INTS8: variants seen among roughly 807,000 people sequenced by gnomAD.
INTS8 encodes integrator complex subunit 8.
In INTS8, 47 loss-of-function variants were observed where a neutral mutation model predicts 138.9. The ratio of observed to expected loss-of-function variants is 0.34; its 90% CI spans 0.27 to 0.43. The LOEUF (loss-of-function observed/expected upper bound fraction) is 0.43. INTS8 is among the 20% of genes least tolerant of loss of function. The pLI, the probability that INTS8 is intolerant of heterozygous loss-of-function variation, is 1.00. For missense variants in INTS8, 996 were observed against 1,173.0 expected (o/e 0.85, Z 2.20); for synonymous variants, 392 against 400.9 (o/e 0.98, Z 0.27).
intron 16 of INTS8, among the ~76,000 whole-genome samples, chr8:94,862,531 G>C (rs1816029563): frequency 6.6e-6 from 1 of 152,226 alleles, no homozygotes; most frequent in African/African-American, 2.4e-5. Context: ...TCTGCAATGT[G>C]TAAGGACACA....
intron 11 of INTS8, among the ~76,000 whole-genome samples, 169 bp from the exon 12 acceptor site, chr8:94,849,747 A>G (rs1029451688): frequency 2.0e-5 from 3 of 152,282 alleles, no homozygotes; most frequent in East Asian, 3.9e-4. Flanking sequence ...TTGACATCAC[A>G]ATTTTAAATA....
chr8:94,879,833 GCTTA>G (rs935349008), intron 26 of INTS8: 2 of 194,118 alleles, frequency 1.0e-5, no homozygotes, highest in Admixed American at 1.2e-4. Context: ...GCCATGTAGA[GCTTA>G]CTTATACTTT....
At chr8:94,854,724 C>T (rs1815681579) in intron 14 of INTS8, among the ~76,000 whole-genome samples, 1 of 152,046 alleles carries the variant, frequency 6.6e-6, no homozygotes, top group African/African-American at 2.4e-5. Context: ...CCAGCAGCAC[C>T]TGTGACATTT....
chr8:94,834,362 G>GGTGTGTGT lies in INTS8; in HGVS notation c.754-2133_754-2126dup, dbSNP rs35147334. ...TAGTAAGTATGCATATATGTGCATGGGTGTGTGTGTGTGTGTGTGTGTGTG... is the reference window on the plus strand; with the variant it reads ...TAGTAAGTATGCATATATGTGCATGGGTGTGTGTGTGTGTGTGTGTGTGTGTGTGTGTG... On this transcript the variant is annotated intron_variant, in intron 6 of 26. Transcript: ENST00000523731. 5.2e-3 allele frequency among the ~76,000 whole-genome samples: 750 copies of GGTGTGTGT among 144,552 alleles called. 6 individuals carry two copies. Among genetic ancestry groups the GGTGTGTGT allele is most frequent in the African/African-American group, 0.014 (566 of 39,142 alleles). 94.8% of individuals were successfully genotyped at this position (144,552 alleles called of 152,430 possible). A position where few individuals can be genotyped will look rare whatever the true frequency, so the allele number is the denominator to read the frequency against.
At chr8:94,830,937 A>G (rs1814690589) in intron 5 of INTS8, among the ~76,000 whole-genome samples, 1 of 151,846 alleles carries the variant, frequency 6.6e-6, no homozygotes, top group South Asian at 2.1e-4. Context: ...AGCTGGGATT[A>G]TAGGCGTGCT....
At chr8:94,838,115 C>T (rs910285408) in intron 7 of INTS8, among the ~76,000 whole-genome samples, 4 of 149,578 alleles carry the variant, frequency 2.7e-5, no homozygotes, top group African/African-American at 7.4e-5. Flanking sequence ...GGCGCCTTCT[C>T]GGCTCACTGC....
intron 14 of INTS8, among the ~76,000 whole-genome samples, 167 bp from the exon 15 acceptor site, chr8:94,856,610 A>G (rs546880565): frequency 6.6e-6 from 1 of 152,288 alleles, no homozygotes; most frequent in Admixed American, 6.5e-5. Context: ...ATTTTTTGGA[A>G]TAAATCAACA....
In INTS8 at chr8:94,865,587, G is replaced by A; in HGVS notation, c.2158G>A (p.Val720Ile). ...SRRTAKDLWE[V>I]VVQICSVSSQ... ...ACGGACTGCCAAAGACCTTTGGGAAGTTGTTGTTCAAATCTGTAGTGTGTC... is the reference window on the plus strand; with the variant it reads ...ACGGACTGCCAAAGACCTTTGGGAAATTGTTGTTCAAATCTGTAGTGTGTC... The change falls in exon 17 of 27, where the codon GTT becomes ATT. Residue 720 changes from valine (V) to isoleucine (I), a missense_variant. Transcript: ENST00000523731. 6.2e-7 allele frequency: 1 copy of A among 1,614,158 alleles called. No homozygotes were observed. The highest frequency in any genetic ancestry group is 8.5e-7 in the Non-Finnish European group (1 of 1,179,972).
rs750504150 is a variant in INTS8, at chr8:94,851,618, A to T, written c.1573A>T (p.Ile525Phe). Reference sequence around the variant, plus strand: ...TATATTGTCAGTGGATCCTTGGAGGATTAGACAAATTTTAATTGAATTACA... The same window carrying T: ...TATATTGTCAGTGGATCCTTGGAGGTTTAGACAAATTTTAATTGAATTACA... ...QLILSVDPWR[I>F]RQILIELHGM... Residue 525 changes from isoleucine (I) to phenylalanine (F), a missense_variant, in exon 13 of 27, where the codon ATT becomes TTT. Ile to Phe is a conservative substitution (Grantham distance 21, BLOSUM62 0). Transcript: ENST00000523731. The T allele has an allele frequency of 6.2e-7, 1 of 1,603,236 alleles. No individual in the cohort carries two copies. Among genetic ancestry groups the T allele is most frequent in the Non-Finnish European group, 8.5e-7 (1 of 1,175,864 alleles).
At chr8:94,868,756 C>A (rs950129166) in intron 20 of INTS8, 1 of 149,850 alleles carries the variant, frequency 6.7e-6, no homozygotes, top group African/African-American at 2.5e-5. Context: ...CTGCAACCTA[C>A]GCCTGCAAGG....
chr8:94,833,410 G>T lies in INTS8; in HGVS notation c.753+1236G>T, dbSNP rs533218900. On this transcript the variant is annotated intron_variant, in intron 6 of 26. Transcript: ENST00000523731. ...TTAATTTTTTTTTTATAGAGACAGG[G>T]TCTCCCTATGTTGCCCAGGCTGGTC... 4.6e-5 allele frequency among the ~76,000 whole-genome samples: 7 copies of T among 151,894 alleles called. No homozygotes were observed. In the South Asian group the frequency reaches 8.3e-4, roughly 18 times the overall value.
Position 94,849,549 on chromosome 8 carries a change from T to A in INTS8, c.1331+17T>A. On this transcript the variant is annotated intron_variant, in intron 11 of 26. Coordinates refer to ENST00000523731, the MANE Select transcript of INTS8 (RefSeq NM_017864.4). The stretch of plus-strand genomic sequence containing the variant: ...TTTTCTAAAGTAAGTACCTTTCTTT[T>A]CTTTTTTCTTTTTTTTTTTAACTTT... The A allele has an allele frequency of 7.2e-7, 1 of 1,398,234 alleles. No homozygotes were observed. Among genetic ancestry groups the A allele is most frequent in the Non-Finnish European group, 9.9e-7 (1 of 1,013,870 alleles). The allele number at this position is 1,398,234 out of a possible 1,614,324, so 86.6% of individuals were successfully genotyped here.
chr8:94,832,197 A>T (rs775512897), intron 6 of INTS8, 23 bp downstream of exon 6: 1 of 1,587,078 alleles, frequency 6.3e-7, no homozygotes, highest in Non-Finnish European at 8.6e-7. Context: ...TACTTAATTT[A>T]CGTAGGGCAA....
intron 3 of INTS8, 60 bp downstream of exon 3, chr8:94,827,463 T>C: frequency 1.3e-6 from 2 of 1,561,166 alleles, no homozygotes. Flanking sequence ...GCACTGTGGC[T>C]TTCAAGGATA....
At position 94,880,718 on chromosome 8, in the gene INTS8, C is replaced by A; in HGVS notation, c.*484C>A. ...TCACAATGGAGGAATTTAGAAAGGA[C>A]CTTAACAGTTTCACAAACATAAATA... is the stretch of plus-strand genomic sequence containing the variant. On this transcript the variant is annotated 3_prime_UTR_variant, in exon 27 of 27. Transcript: ENST00000523731. 1 of 395,324 alleles carries A rather than the reference C, an allele frequency of 2.5e-6. No homozygotes were observed. Among genetic ancestry groups the A allele is most frequent in the Non-Finnish European group, 4.5e-6 (1 of 224,666 alleles). The allele number at this position is 395,324 out of a possible 1,614,324, so 24.5% of individuals were successfully genotyped here.
chr8:94,854,991 C>T (rs942606958), intron 14 of INTS8, among the ~76,000 whole-genome samples: 3 of 149,356 alleles, frequency 2.0e-5, no homozygotes, highest in Non-Finnish European at 4.4e-5. Context: ...AACAATCCTT[C>T]CACATCAGCC....
chr8:94,873,997 A>G lies in INTS8; in HGVS notation c.2637+520A>G, dbSNP rs571020354. Among the ~76,000 whole-genome samples, 543 of 152,254 alleles carry G rather than the reference A, an allele frequency of 3.6e-3. 2 individuals are homozygous for G. Among genetic ancestry groups the G allele is most frequent in the Non-Finnish European group, 6.3e-3 (426 of 68,018 alleles). ...TACAGAATAATGTTTTAATATACACAGTGAGATGATTACTACAGTCAAACA... is the reference window on the plus strand; with the variant it reads ...TACAGAATAATGTTTTAATATACACGGTGAGATGATTACTACAGTCAAACA... On this transcript the variant is annotated intron_variant, in intron 22 of 26. Transcript: ENST00000523731.
chr8:94,855,481 T>C (rs191055669), intron 14 of INTS8, among the ~76,000 whole-genome samples: 1 of 152,314 alleles, frequency 6.6e-6, no homozygotes, highest in Non-Finnish European at 1.5e-5. Flanking sequence ...CATGAGACAA[T>C]TGTAAGCCAT....
At chr8:94,876,679 AT>A in intron 26 of INTS8, 190 bp downstream of exon 26, 2 of 476,552 alleles carry the variant, frequency 4.2e-6, no homozygotes, top group Non-Finnish European at 7.3e-6. Flanking sequence ...TTATTTTAAA[AT>A]GTTAGATCAT....
Sources: allele counts gnomAD v4.1 joint callset (sites outside exome capture counted in the v4.1 genomes callset), GRCh38; gene constraint gnomAD v4.1.1; transcripts MANE v1.5; gene names NCBI Gene and HGNC (gene_info 2026-07-23, HGNC 2026-07-21).